The following MAP7 variants were observed in gnomAD, a reference collection of about 807,000 sequenced individuals.
The protein encoded by MAP7 is ensconsin.
MAP7 carries 52 observed loss-of-function variants against 94.8 expected under a neutral mutation model. The observed-to-expected ratio is 0.55, with a 90% CI of 0.44 to 0.69. The LOEUF (loss-of-function observed/expected upper bound fraction) is 0.69, where lower values mean the gene tolerates loss of function less well. Among genes scored for constraint, MAP7 ranks in the 30% least tolerant of loss-of-function variants. The pLI is 0.00. For missense variants in MAP7, 940 were observed against 964.6 expected (o/e 0.97, Z 0.34); for synonymous variants, 350 against 357.0 (o/e 0.98, Z 0.22).
Position 136,421,712 on chromosome 6 carries a change from C to T in MAP7, c.155G>A (p.Gly52Glu), listed in dbSNP as rs975248434. Residue 52 changes from glycine to glutamate, a missense_variant, in exon 2 of 18, where the codon GGA (glycine) becomes GAA (glutamate). Gly to Glu is a moderately conservative substitution (Grantham distance 98). Coordinates refer to ENST00000354570, the MANE Select transcript of MAP7 (RefSeq NM_003980.6). ...GCAATGCATCATACCTGGTTTATTT[C>T]CTGAGTGGTTGTTATTTTGTCCTGA... ...AISGQNNNHS[G>E]NKPDPPPVLR... 2 of 1,613,640 alleles carry T rather than the reference C, an allele frequency of 1.2e-6. No individual in the cohort carries two copies. Among genetic ancestry groups the T allele is most frequent in the Non-Finnish European group, 1.7e-6 (2 of 1,179,836 alleles).
chr6:136,471,306 G>T (rs1350867878), intron 1 of MAP7, among the ~76,000 whole-genome samples: 4 of 152,204 alleles, frequency 2.6e-5, no homozygotes, highest in African/African-American at 9.6e-5. Context: ...ACAACCCAGG[G>T]GTACTGCAGC....
intron 1 of MAP7, among the ~76,000 whole-genome samples, chr6:136,456,767 GGAAGAA>G (rs1554259489): frequency 3.6e-4 from 22 of 60,578 alleles, no homozygotes; most frequent in African/African-American, 7.3e-4. Flanking sequence ...AGGAGGAGGA[GGAAGAA>G]GAAGAAGAAG....
chr6:136,468,609 C>T (rs1006619779), intron 1 of MAP7, among the ~76,000 whole-genome samples: 6 of 152,166 alleles, frequency 3.9e-5, no homozygotes, highest in African/African-American at 1.4e-4. Context: ...GTTGGCAAAA[C>T]CATCTAACAC....
intron 1 of MAP7, among the ~76,000 whole-genome samples, chr6:136,523,637 T>C (rs1275761015): frequency 2.6e-5 from 4 of 152,194 alleles, no homozygotes; most frequent in African/African-American, 9.7e-5. Flanking sequence ...GAATGTGTCA[T>C]AGAGACAATT....
chr6:136,411,499 T>C (rs1787432946), intron 3 of MAP7, 121 bp downstream of exon 3: 2 of 783,560 alleles, frequency 2.6e-6, no homozygotes, highest in Non-Finnish European at 4.1e-6. Context: ...TTATATTTTA[T>C]CATCACATAC....
In MAP7 at chr6:136,366,387, G is replaced by A. The variant is rs201244121; in HGVS notation, c.929C>T (p.Thr310Ile). 8 of 1,614,034 alleles carry A rather than the reference G, an allele frequency of 5.0e-6. No homozygotes were observed. The highest frequency in any genetic ancestry group is 6.8e-6 in the Non-Finnish European group (8 of 1,180,016). The change falls in exon 9 of 18, where the codon ACC becomes ATC. Residue 310 changes from threonine (T) to isoleucine (I), a missense_variant. Coordinates refer to ENST00000354570, the MANE Select transcript of MAP7 (RefSeq NM_003980.6). ...ATTAGATGGAGATACAGCCCTTCGG[G>A]TGCCAGATGTGAGGAAGAGTACATT... ...RENVLFLTSGTRRAVSPSNPK... is the reference protein window; with the variant it reads ...RENVLFLTSGIRRAVSPSNPK...
At chr6:136,467,573 TC>T (rs1807543087) in intron 1 of MAP7, among the ~76,000 whole-genome samples, 1 of 152,230 alleles carries the variant, frequency 6.6e-6, no homozygotes, top group Non-Finnish European at 1.5e-5. Context: ...TAAATATTGG[TC>T]CTCAGAGTTT....
intron 1 of MAP7, among the ~76,000 whole-genome samples, chr6:136,508,653 A>G (rs913649198): frequency 1.3e-5 from 2 of 152,214 alleles, no homozygotes; most frequent in South Asian, 2.1e-4. Flanking sequence ...AATAAAAGAA[A>G]AGATAATGCT....
intron 16 of MAP7, among the ~76,000 whole-genome samples, chr6:136,349,629 G>C (rs2128522379): frequency 6.6e-6 from 1 of 152,248 alleles, no homozygotes; most frequent in Non-Finnish European, 1.5e-5. Flanking sequence ...GCCTAGACCT[G>C]CTAAAGTGCT....
chr6:136,458,129 C>T (rs1403321290), intron 1 of MAP7, among the ~76,000 whole-genome samples: 1 of 152,100 alleles, frequency 6.6e-6, no homozygotes, highest in East Asian at 1.9e-4. Flanking sequence ...TGCATTTCTA[C>T]ATACTATCAA....
intron 2 of MAP7, among the ~76,000 whole-genome samples, chr6:136,413,930 A>G (rs1788338433): frequency 6.6e-6 from 1 of 152,132 alleles, no homozygotes; most frequent in Admixed American, 6.5e-5. Context: ...TGGATGATGA[A>G]CAAGACTAGG....
chr6:136,431,259 C>T lies in MAP7; in HGVS notation c.68-9460G>A, dbSNP rs73567642. On this transcript the variant is annotated intron_variant, in intron 1 of 17. Transcript: ENST00000354570. The stretch of plus-strand genomic sequence containing the variant: ...ACGCTATTTAGCATTTGATTTCATT[C>T]TATCTTGTATCATTTTCAGAATGTA... Among the ~76,000 whole-genome samples, 753 of 152,288 alleles carry T rather than the reference C, an allele frequency of 4.9e-3. 5 individuals carry two copies. The highest frequency in any genetic ancestry group is 0.02 in the Middle Eastern group (6 of 294).
chr6:136,373,535 T>C (rs1230505654), intron 7 of MAP7, among the ~76,000 whole-genome samples: 1 of 152,204 alleles, frequency 6.6e-6, no homozygotes, highest in Non-Finnish European at 1.5e-5. Flanking sequence ...AATCAACTTA[T>C]TGCAAACAAC....
chr6:136,428,701 G>A (rs183395119), intron 1 of MAP7, among the ~76,000 whole-genome samples: 1 of 152,250 alleles, frequency 6.6e-6, no homozygotes, highest in Admixed American at 6.5e-5. Flanking sequence ...AGGAGCTGAT[G>A]TCTAGTCATA....
chr6:136,507,439 T>C (rs768283466), intron 1 of MAP7, among the ~76,000 whole-genome samples: 1 of 149,094 alleles, frequency 6.7e-6, no homozygotes, highest in African/African-American at 2.5e-5. Flanking sequence ...GTTTCAAGTC[T>C]TCCAAAATTT....
chr6:136,431,528 A>T (rs1230375319), intron 1 of MAP7, among the ~76,000 whole-genome samples: 1 of 140,188 alleles, frequency 7.1e-6, no homozygotes, highest in African/African-American at 3.0e-5. Flanking sequence ...TTATTTATTT[A>T]ATTTTTTGAG....
chr6:136,360,385 T>C (rs1792234369), intron 13 of MAP7, among the ~76,000 whole-genome samples: 2 of 152,154 alleles, frequency 1.3e-5, no homozygotes, highest in Non-Finnish European at 1.5e-5. Flanking sequence ...ACTTCGGTGA[T>C]CTACCTGCCG....
intron 7 of MAP7, among the ~76,000 whole-genome samples, chr6:136,374,871 A>T (rs1415695472): frequency 6.6e-6 from 1 of 152,188 alleles, no homozygotes. Flanking sequence ...AAAAACCTGA[A>T]ATCTTCAAAT....
At chr6:136,501,280 T>C (rs1199865818) in intron 1 of MAP7, among the ~76,000 whole-genome samples, 1 of 152,204 alleles carries the variant, frequency 6.6e-6, no homozygotes, top group Non-Finnish European at 1.5e-5. Flanking sequence ...TGTTCCCTCA[T>C]GAAAAGCACT....
Sources: allele counts gnomAD v4.1 joint callset (sites outside exome capture counted in the v4.1 genomes callset), GRCh38; gene constraint gnomAD v4.1.1; transcripts MANE v1.5; gene names NCBI Gene and HGNC (gene_info 2026-07-23, HGNC 2026-07-21).